The following CNTN5 variants were observed in gnomAD, a reference collection of about 807,000 sequenced individuals.
CNTN5 encodes contactin 5.
CNTN5 carries 77 observed loss-of-function variants against 129.1 expected under a neutral mutation model. That is an observed-to-expected ratio of 0.60 (90% CI 0.50 to 0.72). The LOEUF (loss-of-function observed/expected upper bound fraction) is 0.72, where lower values mean the gene tolerates loss of function less well. Ranked by LOEUF, CNTN5 falls within the 30% of genes least tolerant of loss-of-function variation. The pLI, the probability that CNTN5 is intolerant of heterozygous loss-of-function variation, is 0.00. For synonymous variants in CNTN5, 509 were observed against 465.6 expected (o/e 1.09, Z -1.20); for missense variants, 1,478 against 1,328.8 (o/e 1.11, Z -1.75).
At chr11:99,642,909 T>C (rs5000318) in intron 3 of CNTN5, among the ~76,000 whole-genome samples, 91,331 of 151,972 alleles carry the variant, frequency 0.6, 28,289 homozygotes, top group Admixed American at 0.69. Flanking sequence ...TCCATGTTGT[T>C]GCAAATGACA....
chr11:100,011,676 CTT>C (rs1940541953), intron 9 of CNTN5, among the ~76,000 whole-genome samples: 1 of 152,092 alleles, frequency 6.6e-6, no homozygotes. Context: ...TACAAATAGT[CTT>C]TTGTTACACT....
At chr11:100,109,496 C>T (rs1309611483) in intron 13 of CNTN5, among the ~76,000 whole-genome samples, 1 of 152,166 alleles carries the variant, frequency 6.6e-6, no homozygotes, top group Admixed American at 6.5e-5. Context: ...TTCAGGCATT[C>T]CTGAGGTACA....
At chr11:100,274,430 C>T (rs1050970118) in intron 18 of CNTN5, among the ~76,000 whole-genome samples, 6 of 152,230 alleles carry the variant, frequency 3.9e-5, no homozygotes, top group African/African-American at 1.2e-4. Context: ...ACAGAGTAAA[C>T]AGATAACCCA....
intron 3 of CNTN5, among the ~76,000 whole-genome samples, chr11:99,636,331 T>C (rs1260827103): frequency 6.6e-6 from 1 of 152,174 alleles, no homozygotes; most frequent in Non-Finnish European, 1.5e-5. Flanking sequence ...TTAGACATAG[T>C]TTGACATGAG....
At chr11:99,031,073 A>C (rs1339472287) in intron 1 of CNTN5, among the ~76,000 whole-genome samples, 1 of 152,174 alleles carries the variant, frequency 6.6e-6, no homozygotes, top group African/African-American at 2.4e-5. Context: ...CTGGGATTAC[A>C]GGCGTGAGCC....
chr11:100,177,679 G>C (rs1355688378), intron 13 of CNTN5, among the ~76,000 whole-genome samples: 1 of 152,106 alleles, frequency 6.6e-6, no homozygotes, highest in African/African-American at 2.4e-5. Flanking sequence ...ATGTATAATT[G>C]TCTTTCCTTT....
At chr11:99,631,506 A>T (rs1951348994) in intron 3 of CNTN5, among the ~76,000 whole-genome samples, 1 of 151,690 alleles carries the variant, frequency 6.6e-6, no homozygotes, top group Non-Finnish European at 1.5e-5. Context: ...AGTTAAACCA[A>T]ACTGTTTATT....
At chr11:99,149,584 A>G (rs1485855552) in intron 1 of CNTN5, among the ~76,000 whole-genome samples, 1 of 152,016 alleles carries the variant, frequency 6.6e-6, no homozygotes, top group Admixed American at 6.6e-5. Context: ...AATCAACAAA[A>G]CTGTTGGCAA....
At chr11:99,856,105 G>A (rs1012849954) in intron 6 of CNTN5, among the ~76,000 whole-genome samples, 1 of 152,144 alleles carries the variant, frequency 6.6e-6, no homozygotes, top group Admixed American at 6.5e-5. Flanking sequence ...TTGTGCAGAA[G>A]GGCTTTAGCA....
intron 3 of CNTN5, among the ~76,000 whole-genome samples, chr11:99,708,232 G>A (rs569575360): frequency 2.6e-5 from 4 of 151,766 alleles, no homozygotes; most frequent in African/African-American, 7.2e-5. Context: ...AAATCCTGCT[G>A]CAGAATTTAA....
At chr11:99,403,819 G>A (rs534810365) in intron 2 of CNTN5, among the ~76,000 whole-genome samples, 9 of 152,250 alleles carry the variant, frequency 5.9e-5, no homozygotes, top group African/African-American at 2.2e-4. Context: ...GGAGAATAAT[G>A]TGTATTCTGC....
intron 2 of CNTN5, among the ~76,000 whole-genome samples, chr11:99,512,745 T>C (rs901169890): frequency 6.6e-6 from 1 of 152,074 alleles, no homozygotes; most frequent in Non-Finnish European, 1.5e-5. Context: ...ACAGATCCCA[T>C]ATAAGAGGGT....
intron 21 of CNTN5, chr11:100,309,345 T>A (rs936353989): frequency 2.0e-6 from 2 of 982,862 alleles, no homozygotes; most frequent in Non-Finnish European, 1.2e-6. Context: ...TTAATTCTAT[T>A]TGAGTTTTCA....
intron 3 of CNTN5, among the ~76,000 whole-genome samples, chr11:99,620,465 G>C (rs202031085): frequency 2.1e-5 from 3 of 140,020 alleles, no homozygotes; most frequent in Non-Finnish European, 4.7e-5. Context: ...TTTCTGAGTA[G>C]AGTTAATGAT....
At chr11:99,946,005 A>G (rs1692230916) in intron 7 of CNTN5, among the ~76,000 whole-genome samples, 1 of 152,124 alleles carries the variant, frequency 6.6e-6, no homozygotes, top group Non-Finnish European at 1.5e-5. Flanking sequence ...TTTGACATAA[A>G]GTATCTAGAT....
At chr11:100,254,654 C>T (rs1439515514) in intron 16 of CNTN5, among the ~76,000 whole-genome samples, 1 of 152,158 alleles carries the variant, frequency 6.6e-6, no homozygotes, top group Non-Finnish European at 1.5e-5. Context: ...AACTTTTTCT[C>T]CATCTTACTG....
At chr11:99,525,894 GA>G (rs1468781420) in intron 2 of CNTN5, among the ~76,000 whole-genome samples, 3 of 152,068 alleles carry the variant, frequency 2.0e-5, no homozygotes, top group African/African-American at 7.2e-5. Flanking sequence ...CTATTGCTTT[GA>G]AAGGCACAAA....
At chr11:99,132,401 C>T (rs764265822) in intron 1 of CNTN5, among the ~76,000 whole-genome samples, 37 of 151,978 alleles carry the variant, frequency 2.4e-4, no homozygotes, top group African/African-American at 4.8e-4. Context: ...AAGTTCTGGC[C>T]GGGGCAATCA....
chr11:99,854,708 A>G (rs1292563620), intron 6 of CNTN5, among the ~76,000 whole-genome samples: 1 of 152,176 alleles, frequency 6.6e-6, no homozygotes, highest in Non-Finnish European at 1.5e-5. Context: ...TTCAGGAGAA[A>G]ATACCCAACA....
Sources: gnomAD v4.1 joint callset for allele counts (sites outside exome capture counted in the v4.1 genomes callset) on GRCh38, gnomAD v4.1.1 for gene constraint, MANE v1.5 for transcripts, NCBI Gene and HGNC (gene_info 2026-07-23, HGNC 2026-07-21) for gene names.